The following R3HDM2 variants were observed in gnomAD, a reference collection of about 807,000 sequenced individuals.
The protein encoded by R3HDM2 is R3H domain-containing protein 2.
Under a neutral mutation model 124.5 loss-of-function variants are expected in R3HDM2, and 38 were observed. The observed-to-expected ratio is 0.31, with a 90% CI of 0.24 to 0.40. The LOEUF (loss-of-function observed/expected upper bound fraction) is 0.40, where lower values mean the gene tolerates loss of function less well. R3HDM2 is among the 10% of genes least tolerant of loss of function. The pLI, the probability that R3HDM2 is intolerant of heterozygous loss-of-function variation, is 1.00. For synonymous variants in R3HDM2, 391 were observed against 448.0 expected (o/e 0.87, Z 1.61); for missense variants, 869 against 1,236.9 (o/e 0.70, Z 4.46).
chr12:57,409,147 C>CT (rs1439300292), intron 1 of R3HDM2, among the ~76,000 whole-genome samples: 1 of 152,126 alleles, frequency 6.6e-6, no homozygotes, highest in African/African-American at 2.4e-5. Flanking sequence ...ATTAAGCCTC[C>CT]TAATGATCCC....
intron 1 of R3HDM2, among the ~76,000 whole-genome samples, chr12:57,411,974 T>C (rs987806889): frequency 6.6e-6 from 1 of 152,148 alleles, no homozygotes; most frequent in Non-Finnish European, 1.5e-5. Context: ...TCTTCCCCCT[T>C]TGCTTCCTTC....
At chr12:57,273,071 C>G (rs958028783) in intron 14 of R3HDM2, among the ~76,000 whole-genome samples, 3 of 152,092 alleles carry the variant, frequency 2.0e-5, no homozygotes, top group Non-Finnish European at 2.9e-5. Flanking sequence ...CCACAGCTCT[C>G]CTAGAGGAAA....
chr12:57,374,742 C>T (rs1295456468), intron 2 of R3HDM2, among the ~76,000 whole-genome samples: 1 of 126,254 alleles, frequency 7.9e-6, no homozygotes, highest in Non-Finnish European at 1.6e-5. Flanking sequence ...GCCTGTAATA[C>T]TAGCACTTTG....
At chr12:57,268,869 T>C in intron 17 of R3HDM2, 53 bp downstream of exon 17, 2 of 1,581,690 alleles carry the variant, frequency 1.3e-6, no homozygotes, top group Non-Finnish European at 1.7e-6. Context: ...GAGGCTCTCC[T>C]TTTCCTCATG....
chr12:57,292,707 C>T (rs1192450557), intron 10 of R3HDM2, 40 bp from the exon 11 acceptor site: 7 of 1,356,180 alleles, frequency 5.2e-6, no homozygotes, highest in East Asian at 2.5e-5. Context: ...AAGTTCTCCT[C>T]GTACTGCAAG....
At chr12:57,384,503 A>T (rs1213611725) in intron 2 of R3HDM2, among the ~76,000 whole-genome samples, 1 of 152,224 alleles carries the variant, frequency 6.6e-6, no homozygotes, top group African/African-American at 2.4e-5. Flanking sequence ...GCTGTATAAA[A>T]AAAATAACAT....
At chr12:57,383,654 G>A (rs2065239969) in intron 2 of R3HDM2, among the ~76,000 whole-genome samples, 1 of 152,074 alleles carries the variant, frequency 6.6e-6, no homozygotes, top group South Asian at 2.1e-4. Flanking sequence ...GTTGCGGTGA[G>A]CCGAGATCAT....
intron 1 of R3HDM2, among the ~76,000 whole-genome samples, chr12:57,417,977 C>G (rs921590604): frequency 1.3e-5 from 2 of 152,108 alleles, no homozygotes; most frequent in African/African-American, 4.8e-5. Flanking sequence ...CCTGAGTAAC[C>G]CTGTTCCCTA....
At chr12:57,391,738 C>G (rs1039564655) in intron 2 of R3HDM2, among the ~76,000 whole-genome samples, 24 of 152,176 alleles carry the variant, frequency 1.6e-4, no homozygotes, top group Non-Finnish European at 1.0e-4. Context: ...TTTGCAACTT[C>G]CTATAAATCT....
chr12:57,256,746 A>C (rs1372372774), intron 21 of R3HDM2, among the ~76,000 whole-genome samples: 2 of 152,132 alleles, frequency 1.3e-5, no homozygotes, highest in Non-Finnish European at 2.9e-5. Flanking sequence ...GAAAGGCTCT[A>C]TCCACTGTAG....
At chr12:57,422,764 T>C (rs1432366152) in intron 1 of R3HDM2, among the ~76,000 whole-genome samples, 1 of 151,988 alleles carries the variant, frequency 6.6e-6, no homozygotes. Context: ...GACGACTGCT[T>C]GAGCCCAAGC....
chr12:57,276,836 G>A (rs1218709436), intron 14 of R3HDM2, among the ~76,000 whole-genome samples: 1 of 151,796 alleles, frequency 6.6e-6, no homozygotes, highest in Non-Finnish European at 1.5e-5. Flanking sequence ...GCAGTGAGCC[G>A]AGAGTGCATC....
chr12:57,397,498 T>C (rs1389638619), intron 1 of R3HDM2, among the ~76,000 whole-genome samples: 1 of 152,204 alleles, frequency 6.6e-6, no homozygotes, highest in East Asian at 1.9e-4. Context: ...CAAAGGTTTC[T>C]ATGAAAAAGT....
intron 22 of R3HDM2, 156 bp downstream of exon 22, chr12:57,256,258 G>A (rs1048132589): frequency 2.3e-5 from 20 of 861,542 alleles, no homozygotes; most frequent in South Asian, 3.4e-5. Flanking sequence ...CATGGGGGTC[G>A]GGTGGGAGAC....
At chr12:57,412,381 A>G (rs1361717503) in intron 1 of R3HDM2, among the ~76,000 whole-genome samples, 2 of 151,898 alleles carry the variant, frequency 1.3e-5, no homozygotes, top group African/African-American at 4.8e-5. Flanking sequence ...GTCCCTACTA[A>G]AAATACAAAA....
chr12:57,426,550 C>G (rs1235068320), intron 1 of R3HDM2, among the ~76,000 whole-genome samples: 2 of 152,164 alleles, frequency 1.3e-5, no homozygotes, highest in Non-Finnish European at 2.9e-5. Flanking sequence ...TGGAACCAGC[C>G]TGCTCAGCTA....
Position 57,292,528 on chromosome 12 carries a change from GA to G in R3HDM2, c.906+43del, listed in dbSNP as rs901413404. 8 of 1,318,216 alleles carry G rather than the reference GA, an allele frequency of 6.1e-6. No individual in the cohort carries two copies. The African/African-American group carries it at 8.8e-5, about 14-fold the overall frequency. The allele number at this position is 1,318,216 out of a possible 1,614,324, so 81.7% of individuals were successfully genotyped here. ...TTCCATTCACAGTTCCAATGATTAAGAGCTAAAAGCTATGGGCTGACAACTC... is the reference window on the plus strand; with the variant it reads ...TTCCATTCACAGTTCCAATGATTAAGGCTAAAAGCTATGGGCTGACAACTC... On this transcript the variant is annotated intron_variant, in intron 11 of 23. Coordinates refer to ENST00000402412, the MANE Select transcript of R3HDM2 (RefSeq NM_001394031.1).
intron 19 of R3HDM2, among the ~76,000 whole-genome samples, chr12:57,266,389 C>A (rs1428275200): frequency 6.6e-6 from 1 of 152,144 alleles, no homozygotes; most frequent in African/African-American, 2.4e-5. Flanking sequence ...AGCCACCATG[C>A]CTGGCCTTTT....
At chr12:57,307,952 C>T (rs1448078802) in intron 3 of R3HDM2, among the ~76,000 whole-genome samples, 2 of 152,068 alleles carry the variant, frequency 1.3e-5, no homozygotes, top group Non-Finnish European at 2.9e-5. Context: ...GCAGCAGCAG[C>T]TCCACCTGCT....
Sources: gnomAD v4.1 joint callset for allele counts (sites outside exome capture counted in the v4.1 genomes callset) on GRCh38, gnomAD v4.1.1 for gene constraint, MANE v1.5 for transcripts, NCBI Gene and HGNC (gene_info 2026-07-23, HGNC 2026-07-21) for gene names.